Variants in ADCK1 observed in about 807,000 individuals in gnomAD.
ADCK1 encodes aarF domain containing kinase 1.
A neutral mutation model predicts 52.3 loss-of-function variants in ADCK1; 41 were observed. That is an observed-to-expected ratio of 0.78 (90% confidence interval 0.61 to 1.02). The LOEUF is 1.02. ADCK1 is among the 50% of genes least tolerant of loss of function. ADCK1 has a pLI of 0.00. For missense variants in ADCK1, 658 were observed against 679.5 expected, an observed-to-expected ratio of 0.97 and a Z score of 0.35; for synonymous variants, 250 against 274.6, an observed-to-expected ratio of 0.91 and a Z score of 0.89.
intron 7 of ADCK1, among the ~76,000 whole-genome samples, chr14:77,914,173 CAT>C (rs1228014424): frequency 3.3e-5 from 5 of 152,154 alleles, no homozygotes; most frequent in African/African-American, 1.2e-4. Flanking sequence ...CTTAGGGGTC[CAT>C]GTTTTCTAGC....
rs1028424039 is a variant in ADCK1 at position 77,852,029 on chromosome 14, C to T, written c.220-7047C>T. Among the ~76,000 whole-genome samples, 7 of 151,498 alleles carry T rather than the reference C, an allele frequency of 4.6e-5. No individual in the cohort carries two copies. In the East Asian group the frequency reaches 7.7e-4, roughly 17 times the overall value. On this transcript the variant is annotated intron_variant, in intron 3 of 10. Coordinates refer to ENST00000238561, the MANE Select transcript of ADCK1 (RefSeq NM_020421.4). ...AATTTTTTTTTTTGAGACAGAGTCTCGCTCTGTTGCCCAGGCTGGAGTGCA... is the reference window on the plus strand; with the variant it reads ...AATTTTTTTTTTTGAGACAGAGTCTTGCTCTGTTGCCCAGGCTGGAGTGCA...
At chr14:77,851,122 CTT>C (rs149170159) in intron 3 of ADCK1, among the ~76,000 whole-genome samples, 4 of 141,566 alleles carry the variant, frequency 2.8e-5, no homozygotes, top group Non-Finnish European at 3.1e-5. Flanking sequence ...ACATTTGGGT[CTT>C]TTTTTTTTTT....
Position 77,899,190 on chromosome 14 carries a change from G to A in ADCK1, c.673G>A (p.Asp225Asn). The change falls in exon 6 of 11, where the codon GAT becomes AAT. Residue 225 changes from aspartate to asparagine, a missense_variant. By Grantham distance (23) the Asp-to-Asn change is conservative. Coordinates refer to ENST00000238561, the MANE Select transcript of ADCK1 (RefSeq NM_020421.4). ...CAAGAAGAACCTGCCTTTGGAGCTG[G>A]ATTTCCTCAATGAAGGGAGGAATGC... ...EAKKNLPLEL[D>N]FLNEGRNAEK... is the part of the protein sequence containing the mutation. The A allele has an allele frequency of 6.2e-7, 1 of 1,614,198 alleles. No homozygotes were observed. Among genetic ancestry groups the A allele is most frequent in the Non-Finnish European group, 8.5e-7 (1 of 1,180,030 alleles).
At chr14:77,839,611 T>C (rs1466083528) in intron 3 of ADCK1, among the ~76,000 whole-genome samples, 10 of 152,032 alleles carry the variant, frequency 6.6e-5, no homozygotes, top group Non-Finnish European at 1.2e-4. Context: ...GGTGCACTGC[T>C]TGCAGAGAGC....
chr14:77,849,313 A>G (rs1361329555), intron 3 of ADCK1, among the ~76,000 whole-genome samples: 1 of 152,016 alleles, frequency 6.6e-6, no homozygotes, highest in Non-Finnish European at 1.5e-5. Context: ...GCCTCAAGCA[A>G]TCCTCCCGCC....
intron 7 of ADCK1, among the ~76,000 whole-genome samples, chr14:77,910,560 G>A (rs1298074866): frequency 6.6e-6 from 1 of 152,170 alleles, no homozygotes; most frequent in African/African-American, 2.4e-5. Context: ...CCTCATCCCC[G>A]CCAGGTTCCT....
intron 5 of ADCK1, among the ~76,000 whole-genome samples, chr14:77,893,970 T>C (rs1170486116): frequency 1.3e-5 from 2 of 152,144 alleles, no homozygotes; most frequent in Non-Finnish European, 2.9e-5. Context: ...TGACCTCAGG[T>C]GATCTGTCTG....
intron 4 of ADCK1, among the ~76,000 whole-genome samples, chr14:77,866,495 G>A (rs2082663558): frequency 6.6e-6 from 1 of 152,142 alleles, no homozygotes; most frequent in Admixed American, 6.5e-5. Flanking sequence ...CCACTTTGGG[G>A]GGTTACCTGG....
chr14:77,831,019 A>G (rs1044077974), intron 3 of ADCK1, among the ~76,000 whole-genome samples: 2 of 152,192 alleles, frequency 1.3e-5, no homozygotes, highest in Non-Finnish European at 2.9e-5. Context: ...CAGCTTCATT[A>G]CTGATAGACA....
At position 77,837,009 on chromosome 14, in the gene ADCK1, C is replaced by T. The variant is rs564484488; in HGVS notation, c.219+14491C>T. On this transcript the variant is annotated intron_variant, in intron 3 of 10. Transcript: ENST00000238561. ...TTCACCATGTTGGTCAGGCTGGTCT[C>T]GAACTCCTGACCTTGTGATCCACCT... 7.1e-4 allele frequency among the ~76,000 whole-genome samples: 108 copies of T among 151,606 alleles called. 2 individuals are homozygous for T. In the South Asian group the frequency reaches 0.022, roughly 30 times the overall value.
rs1352287464 is a variant in ADCK1, at chr14:77,865,512, A to G, written c.423+6233A>G. On this transcript the variant is annotated intron_variant, in intron 4 of 10. Coordinates refer to ENST00000238561, the MANE Select transcript of ADCK1 (RefSeq NM_020421.4). ...CAAAAACAAAAACAAAACCCCTCACAGAAGCATCCAGAGTAATGCTTGGCC... is the reference window on the plus strand; with the variant it reads ...CAAAAACAAAAACAAAACCCCTCACGGAAGCATCCAGAGTAATGCTTGGCC... Among the ~76,000 whole-genome samples the G allele has an allele frequency of 4.6e-5, 7 of 152,216 alleles. No homozygotes were observed. The East Asian group carries it at 7.7e-4, about 17-fold the overall frequency.
chr14:77,926,550 G>A (rs541587639), intron 9 of ADCK1, among the ~76,000 whole-genome samples: 84 of 152,248 alleles, frequency 5.5e-4, no homozygotes, highest in African/African-American at 1.9e-3. Context: ...GCATGATATC[G>A]GCTCACTGCA....
At chr14:77,867,906 A>G (rs1372069981) in intron 4 of ADCK1, among the ~76,000 whole-genome samples, 1 of 152,246 alleles carries the variant, frequency 6.6e-6, no homozygotes, top group African/African-American at 2.4e-5. Flanking sequence ...AATGAATGCT[A>G]TAGCCCAGCC....
intron 5 of ADCK1, among the ~76,000 whole-genome samples, chr14:77,888,132 G>A (rs1198552129): frequency 6.6e-6 from 1 of 152,084 alleles, no homozygotes; most frequent in Non-Finnish European, 1.5e-5. Context: ...GTGCCATGTA[G>A]CACTGTGCCT....
At chr14:77,913,662 C>A (rs751655818) in intron 7 of ADCK1, among the ~76,000 whole-genome samples, 5 of 152,122 alleles carry the variant, frequency 3.3e-5, no homozygotes, top group Non-Finnish European at 7.3e-5. Flanking sequence ...TAAGATCCTG[C>A]CGAGGCTGAG....
At chr14:77,810,982 G>T (rs2081328702) in intron 1 of ADCK1, among the ~76,000 whole-genome samples, 1 of 151,710 alleles carries the variant, frequency 6.6e-6, no homozygotes, top group Non-Finnish European at 1.5e-5. Flanking sequence ...CTAATTTAAG[G>T]TCGGTTTCTG....
At position 77,923,243 on chromosome 14, in the gene ADCK1, G is replaced by T. The variant is rs543377879; in HGVS notation, c.859-1214G>T. The T allele has an allele frequency of 1.3e-5, 2 of 152,288 alleles. No individual in the cohort carries two copies. The highest frequency in any genetic ancestry group is 2.9e-5 in the Non-Finnish European group (2 of 68,076). 9.4% of individuals were successfully genotyped at this position (152,288 alleles called of 1,614,324 possible). ...GGCCAGGGAGGGCTTCTTCAGAGAG[G>T]TGATGCTGATCTGGGATGGGAAGGA... On this transcript the variant is annotated intron_variant, in intron 7 of 10. Transcript: ENST00000238561. This position sits in a 1 kb window ranked among gnomAD's most constrained non-coding sequence, Gnocchi z 4.3.
chr14:77,926,472 A>G (rs1056346297), intron 9 of ADCK1, among the ~76,000 whole-genome samples: 2 of 151,738 alleles, frequency 1.3e-5, no homozygotes, highest in African/African-American at 4.8e-5. Context: ...TTGTCTGCAG[A>G]CTTTTTTGTT....
In ADCK1 at chr14:77,899,132, A is replaced by G. The variant is rs1379971045; in HGVS notation, c.615A>G (p.Pro205=). 2 of 1,614,086 alleles carry G rather than the reference A, an allele frequency of 1.2e-6. No individual in the cohort carries two copies. Among genetic ancestry groups the G allele is most frequent in the East Asian group, 2.2e-5 (1 of 44,876 alleles). ...VLVLAVKQLF[P]EFEFMWLVDE... is the part of the protein sequence containing the mutation. ...TTCTGGCTGTGAAGCAGCTGTTCCC[A>G]GAGTTTGAGTTTATGTGGCTTGTGG... The change falls in exon 6 of 11, where the codon CCA becomes CCG. Residue 205 remains proline (P), a synonymous_variant. Coordinates refer to ENST00000238561, the MANE Select transcript of ADCK1 (RefSeq NM_020421.4).
Sources: allele counts gnomAD v4.1 joint callset (sites outside exome capture counted in the v4.1 genomes callset), GRCh38; gene constraint gnomAD v4.1.1; non-coding constraint Gnocchi (gnomAD v3.1); transcripts MANE v1.5; gene names NCBI Gene and HGNC (gene_info 2026-07-23, HGNC 2026-07-21).